CADM1: variants seen among roughly 807,000 people sequenced by gnomAD.
CADM1 encodes the protein cell adhesion molecule 1.
A neutral mutation model predicts 53.1 loss-of-function variants in CADM1; 15 were observed. The observed-to-expected ratio is 0.28, with a 90% CI of 0.19 to 0.44. The LOEUF is 0.44. Among genes scored for constraint, CADM1 ranks in the 20% least tolerant of loss-of-function variants. The probability of loss-of-function intolerance (pLI) is 1.00; values close to 1 mark genes in which losing one functional copy is unlikely to be tolerated. For missense variants in CADM1, 434 were observed against 611.3 expected (o/e 0.71, Z 3.06); for synonymous variants, 281 against 243.0 (o/e 1.16, Z -1.45).
chr11:115,296,770 G>T (rs140195545), intron 1 of CADM1, among the ~76,000 whole-genome samples: 2 of 152,172 alleles, frequency 1.3e-5, no homozygotes, highest in Non-Finnish European at 2.9e-5. Flanking sequence ...GTACCATGCC[G>T]CTTTTTGAGT....
chr11:115,442,160 T>C (rs1249606682), intron 1 of CADM1, among the ~76,000 whole-genome samples: 1 of 151,636 alleles, frequency 6.6e-6, no homozygotes, highest in African/African-American at 2.4e-5. Flanking sequence ...GATGTCACAC[T>C]AGATGGATGG....
chr11:115,184,820 T>C (rs1939469683), intron 10 of CADM1, among the ~76,000 whole-genome samples: 1 of 152,246 alleles, frequency 6.6e-6, no homozygotes, highest in African/African-American at 2.4e-5. Context: ...TTAGAAGTAC[T>C]GCACACAGAT....
In CADM1 at chr11:115,170,344, T is replaced by A. The variant is rs1591570216; in HGVS notation, c.*6130A>T. 6.6e-6 allele frequency: 1 copy of A among 152,198 alleles called. No homozygotes were observed. Among genetic ancestry groups the A allele is most frequent in the East Asian group, 1.9e-4 (1 of 5,198 alleles). The allele number at this position is 152,198 out of a possible 1,614,324, so 9.4% of individuals were successfully genotyped here. ...GAAAAAGCAGTAGACAATGTCAGGT[T>A]CCTTGTTGGAATACATTCTGCATTT... On this transcript the variant is annotated 3_prime_UTR_variant, in exon 12 of 12. Transcript: ENST00000331581.
intron 8 of CADM1, among the ~76,000 whole-genome samples, chr11:115,206,758 C>CTTGTTTTTTTTTTTTTTTTTTTT (rs1940706440): frequency 2.6e-5 from 1 of 38,206 alleles, no homozygotes; most frequent in Non-Finnish European, 4.5e-5. Flanking sequence ...CTGTGGACTT[C>CTTGTTTTTTTTTTTTTTTTTTTT]TTTTTTTTTT....
rs75596028 is a variant in CADM1 at position 115,370,394 on chromosome 11, G to C, written c.125-129974C>G. Among the ~76,000 whole-genome samples, 20 of 152,254 alleles carry C rather than the reference G, an allele frequency of 1.3e-4. 1 individual carries two copies. The highest frequency in any genetic ancestry group is 4.6e-4 in the African/African-American group (19 of 41,568). ...TGAAGTCCTAAGCCCTGACGAGGGG[G>C]TATTTGGAGTCAGTCCCTTTGCAGG... On this transcript the variant is annotated intron_variant, in intron 1 of 11. Transcript: ENST00000331581.
At chr11:115,260,218 C>T (rs1942930332) in intron 1 of CADM1, among the ~76,000 whole-genome samples, 2 of 152,220 alleles carry the variant, frequency 1.3e-5, no homozygotes, top group Admixed American at 6.5e-5. Flanking sequence ...GCATGAGCCA[C>T]CATGCCCGGC....
intron 1 of CADM1, among the ~76,000 whole-genome samples, chr11:115,258,572 C>T (rs565541426): frequency 5.9e-5 from 9 of 152,146 alleles, no homozygotes; most frequent in Non-Finnish European, 1.0e-4. Context: ...AGATTTGGGC[C>T]CTATAGCTTA....
At chr11:115,476,371 T>C (rs1269170867) in intron 1 of CADM1, among the ~76,000 whole-genome samples, 2 of 152,222 alleles carry the variant, frequency 1.3e-5, no homozygotes, top group Admixed American at 6.5e-5. Flanking sequence ...ATCATTTCCA[T>C]GTGGTTTGTA....
intron 1 of CADM1, among the ~76,000 whole-genome samples, chr11:115,342,107 T>C (rs910906182): frequency 6.6e-6 from 1 of 152,178 alleles, no homozygotes; most frequent in African/African-American, 2.4e-5. Flanking sequence ...ATGCCAGCCA[T>C]TTGTCCTGTC....
chr11:115,297,465 CTT>C (rs1436635214), intron 1 of CADM1, among the ~76,000 whole-genome samples: 2 of 152,126 alleles, frequency 1.3e-5, no homozygotes, highest in African/African-American at 4.8e-5. Context: ...CAGCAGGTGT[CTT>C]ATAGAGAAAA....
chr11:115,297,774 T>C (rs1209234840), intron 1 of CADM1, among the ~76,000 whole-genome samples: 1 of 152,040 alleles, frequency 6.6e-6, no homozygotes, highest in African/African-American at 2.4e-5. Context: ...CCAAACACAC[T>C]AAAGGATGGT....
At chr11:115,298,080 G>A (rs1029539209) in intron 1 of CADM1, among the ~76,000 whole-genome samples, 1 of 152,192 alleles carries the variant, frequency 6.6e-6, no homozygotes, top group African/African-American at 2.4e-5. Context: ...CAGGGATGTA[G>A]GTGGTAATTA....
At chr11:115,448,629 C>A (rs1211849511) in intron 1 of CADM1, among the ~76,000 whole-genome samples, 2 of 149,838 alleles carry the variant, frequency 1.3e-5, no homozygotes, top group African/African-American at 4.9e-5. Flanking sequence ...CATTTCCCAG[C>A]CAAGAATAAC....
chr11:115,492,932 TACACACAC>T (rs57800253), intron 1 of CADM1, among the ~76,000 whole-genome samples: 5 of 146,754 alleles, frequency 3.4e-5, no homozygotes, highest in South Asian at 4.4e-4. Context: ...GGATATTTTA[TACACACAC>T]ACACACACAC....
rs1565410043 is a variant in CADM1 at position 115,404,349 on chromosome 11, AT to A, written c.124+99921del. On this transcript the variant is annotated intron_variant, in intron 1 of 11. Transcript: ENST00000331581. The stretch of plus-strand genomic sequence containing the variant: ...TCGGAAAAAAAAAAAAAAAAAAAAT[AT>A]ATATATATATATATATATATATATA... Among the ~76,000 whole-genome samples, 146 of 23,142 alleles carry A rather than the reference AT, an allele frequency of 6.3e-3. 1 individual carries two copies. Among genetic ancestry groups the A allele is most frequent in the Non-Finnish European group, 8.2e-3 (100 of 12,184 alleles). 15.2% of individuals were successfully genotyped at this position (23,142 alleles called of 152,430 possible). A position where few individuals can be genotyped will look rare whatever the true frequency, so the allele number is the denominator to read the frequency against.
chr11:115,323,220 T>C (rs1377425602), intron 1 of CADM1, among the ~76,000 whole-genome samples: 13 of 152,198 alleles, frequency 8.5e-5, no homozygotes, highest in African/African-American at 2.4e-4. Context: ...TTATTGATGA[T>C]GTGTTTATCT....
intron 1 of CADM1, among the ~76,000 whole-genome samples, chr11:115,409,616 A>G (rs1235269611): frequency 6.6e-6 from 1 of 152,106 alleles, no homozygotes; most frequent in East Asian, 1.9e-4. Flanking sequence ...AGTTCAGGAA[A>G]GGTGCTGAAA....
intron 1 of CADM1, among the ~76,000 whole-genome samples, chr11:115,469,314 T>C (rs1050526304): frequency 1.3e-5 from 2 of 152,230 alleles, no homozygotes; most frequent in Non-Finnish European, 2.9e-5. Context: ...ATTGTTCTAA[T>C]AGTTTTACAT....
chr11:115,441,699 A>G (rs1244205884), intron 1 of CADM1, among the ~76,000 whole-genome samples: 4 of 152,188 alleles, frequency 2.6e-5, no homozygotes, highest in African/African-American at 9.7e-5. Context: ...TCTGAAATCA[A>G]TGAGAAGTTG....
Sources: allele counts gnomAD v4.1 joint callset (sites outside exome capture counted in the v4.1 genomes callset), GRCh38; gene constraint gnomAD v4.1.1; transcripts MANE v1.5; gene names NCBI Gene and HGNC (gene_info 2026-07-23, HGNC 2026-07-21).